ADAM23: variants seen among roughly 807,000 people sequenced by gnomAD.
The protein encoded by ADAM23 is disintegrin and metalloproteinase domain-containing protein 23.
ADAM23 carries 33 observed loss-of-function variants against 120.1 expected under a neutral mutation model. The ratio of observed to expected loss-of-function variants is 0.27; its 90% CI spans 0.21 to 0.37. The LOEUF (loss-of-function observed/expected upper bound fraction) is 0.37, where lower values mean the gene tolerates loss of function less well. ADAM23 is among the 10% of genes least tolerant of loss of function. ADAM23 has a pLI of 1.00. For synonymous variants in ADAM23, 367 were observed against 375.2 expected, an observed-to-expected ratio of 0.98 and a Z score of 0.25; for missense variants, 862 against 1,058.2, an observed-to-expected ratio of 0.81 and a Z score of 2.57.
In ADAM23 at chr2:206,567,243, T is replaced by G; in HGVS notation, c.1415T>G (p.Phe472Cys). 6.2e-7 allele frequency: 1 copy of G among 1,613,610 alleles called. No individual in the cohort carries two copies. The highest frequency in any genetic ancestry group is 8.5e-7 in the Non-Finnish European group (1 of 1,179,706). The change falls in exon 15 of 26, where the codon TTT becomes TGT. Residue 472 changes from phenylalanine to cysteine, a missense_variant. Around this residue, in one of 4 missense-constraint regions of ADAM23, gnomAD observed 617 missense variants for 813.5 expected, o/e 0.76. Coordinates refer to ENST00000264377, the MANE Select transcript of ADAM23 (RefSeq NM_003812.4). ...EETGVSHSRKFSKCSILEYRD... is the reference protein window; with the variant it reads ...EETGVSHSRKCSKCSILEYRD... ...CTCAGGGTGTCCCATTCTCGAAAAT[T>G]TTCAAAGTGCAGCATTTTGGAGTAT... is the stretch of plus-strand genomic sequence containing the variant.
rs1023195469 is a variant in ADAM23, at chr2:206,562,151, C to T, written c.1255-52C>T. On this transcript the variant is annotated intron_variant, in intron 12 of 25. Transcript: ENST00000264377. ...GTAACAATTAAGAAATAATAACTAG[C>T]TTTGTGCACTCTCTCAAATGTCTCC... The T allele has an allele frequency of 1.1e-4, 154 of 1,453,484 alleles. 1 individual carries two copies. Among genetic ancestry groups the T allele is most frequent in the Non-Finnish European group, 1.4e-4 (147 of 1,037,398 alleles). 90.0% of individuals were successfully genotyped at this position (1,453,484 alleles called of 1,614,324 possible).
chr2:206,482,874 G>A (rs1695926307), intron 3 of ADAM23, among the ~76,000 whole-genome samples: 1 of 152,176 alleles, frequency 6.6e-6, no homozygotes, highest in Non-Finnish European at 1.5e-5. Flanking sequence ...GTGTGTTCTA[G>A]GCATGTGAGA....
chr2:206,569,997 C>A lies in ADAM23; in HGVS notation c.1495-743C>A, dbSNP rs769439293. On this transcript the variant is annotated intron_variant, in intron 15 of 25. Transcript: ENST00000264377. The stretch of plus-strand genomic sequence containing the variant: ...ATTATGCCCAGAGAAATCCTGCCCC[C>A]CTCCCCACTGCCCCTGGAATGGGAA... Among the ~76,000 whole-genome samples, 8 of 152,280 alleles carry A rather than the reference C, an allele frequency of 5.3e-5. No homozygotes were observed. In the South Asian group the frequency reaches 1.7e-3, roughly 32 times the overall value.
intron 11 of ADAM23, among the ~76,000 whole-genome samples, chr2:206,560,681 T>G (rs550936906): frequency 6.6e-6 from 1 of 152,344 alleles, no homozygotes; most frequent in African/African-American, 2.4e-5. Flanking sequence ...AAAGCTATTT[T>G]CAGATAGTCC....
At chr2:206,563,238 G>A (rs1697805950) in intron 13 of ADAM23, among the ~76,000 whole-genome samples, 1 of 152,144 alleles carries the variant, frequency 6.6e-6, no homozygotes, top group African/African-American at 2.4e-5. Context: ...ATGAGACACT[G>A]GGAGTAAAGG....
chr2:206,589,159 A>G (rs956030731), intron 20 of ADAM23, among the ~76,000 whole-genome samples: 1 of 152,160 alleles, frequency 6.6e-6, no homozygotes, highest in Non-Finnish European at 1.5e-5. Flanking sequence ...GTTGTTTTGG[A>G]GCTTTTTTGT....
At chr2:206,589,029 A>G (rs1003890639) in intron 20 of ADAM23, among the ~76,000 whole-genome samples, 3 of 152,238 alleles carry the variant, frequency 2.0e-5, no homozygotes, top group Non-Finnish European at 4.4e-5. Context: ...AAGATTAAGA[A>G]TGTTAGTTTC....
intron 3 of ADAM23, among the ~76,000 whole-genome samples, chr2:206,501,636 A>T (rs1472888484): frequency 1.3e-5 from 2 of 150,288 alleles, no homozygotes; most frequent in Non-Finnish European, 2.9e-5. Context: ...GAAGCTATTT[A>T]TAGTTTCTTC....
chr2:206,493,953 G>A (rs10194632), intron 3 of ADAM23, among the ~76,000 whole-genome samples: 22,203 of 152,066 alleles, frequency 0.15, 2,336 homozygotes, highest in African/African-American at 0.28. Flanking sequence ...TGTTTTTCTT[G>A]AATGTCCCCC....
At position 206,443,690 on chromosome 2, in the gene ADAM23, G is replaced by C. The variant is rs1470996745; in HGVS notation, c.-177G>C. The C allele has an allele frequency of 5.8e-6, 1 of 171,382 alleles. No homozygotes were observed. The highest frequency in any genetic ancestry group is 1.1e-5 in the Non-Finnish European group (1 of 87,822). The allele number at this position is 171,382 out of a possible 1,614,324, so 10.6% of individuals were successfully genotyped here. On this transcript the variant is annotated 5_prime_UTR_variant, in exon 1 of 26. Transcript: ENST00000264377. ...AGTGGCTGCGAGGCTAGGCGAGCCG[G>C]GAAAGGGGGCGCCGCCCAGCCCCGA...
intron 10 of ADAM23, among the ~76,000 whole-genome samples, chr2:206,558,552 A>G (rs751875807): frequency 1.5e-4 from 23 of 152,202 alleles, no homozygotes; most frequent in African/African-American, 5.5e-4. Context: ...GAGTTAGGAT[A>G]GCATCTCAGT....
chr2:206,451,997 A>G (rs1169938561), intron 2 of ADAM23, among the ~76,000 whole-genome samples: 3 of 152,210 alleles, frequency 2.0e-5, no homozygotes, highest in Non-Finnish European at 4.4e-5. Context: ...GTGCTTGCAG[A>G]AGATAAAAAG....
At chr2:206,500,233 C>T (rs1696359504) in intron 3 of ADAM23, among the ~76,000 whole-genome samples, 1 of 151,996 alleles carries the variant, frequency 6.6e-6, no homozygotes, top group South Asian at 2.1e-4. Flanking sequence ...GTCATGGTAG[C>T]CACACCATAT....
chr2:206,470,897 G>T (rs1450578808), intron 2 of ADAM23, among the ~76,000 whole-genome samples: 1 of 152,158 alleles, frequency 6.6e-6, no homozygotes, highest in African/African-American at 2.4e-5. Flanking sequence ...AACTTGCTGA[G>T]GGTAGTCAAG....
At chr2:206,526,153 C>T (rs1696941569) in intron 3 of ADAM23, among the ~76,000 whole-genome samples, 2 of 149,902 alleles carry the variant, frequency 1.3e-5, no homozygotes, top group South Asian at 4.3e-4. Context: ...CACACACACA[C>T]ACACACACAC....
intron 3 of ADAM23, among the ~76,000 whole-genome samples, chr2:206,518,199 A>G (rs1696772317): frequency 6.6e-6 from 1 of 152,206 alleles, no homozygotes. Context: ...ATTATATTTA[A>G]TTAGGATAGA....
rs1475190544 is a variant in ADAM23 at position 206,617,689 on chromosome 2, G to A, written c.*62G>A. ...GGATTCTGGGTATGACATACTCGCAGCAGTGTTACTGGAACTATTAAGTTT... is the reference window on the plus strand; with the variant it reads ...GGATTCTGGGTATGACATACTCGCAACAGTGTTACTGGAACTATTAAGTTT... On this transcript the variant is annotated 3_prime_UTR_variant, in exon 26 of 26. Coordinates refer to ENST00000264377, the MANE Select transcript of ADAM23 (RefSeq NM_003812.4). The A allele has an allele frequency of 6.2e-7, 1 of 1,603,340 alleles. No individual in the cohort carries two copies. Among genetic ancestry groups the A allele is most frequent in the Non-Finnish European group, 8.5e-7 (1 of 1,174,872 alleles).
chr2:206,572,074 C>T (rs2105831697), intron 17 of ADAM23, among the ~76,000 whole-genome samples: 1 of 152,238 alleles, frequency 6.6e-6, no homozygotes, highest in Middle Eastern at 3.4e-3. Context: ...AAAGAGTTGC[C>T]CTACTAACAT....
At chr2:206,528,125 A>C (rs1309459018) in intron 3 of ADAM23, among the ~76,000 whole-genome samples, 1 of 152,202 alleles carries the variant, frequency 6.6e-6, no homozygotes, top group Non-Finnish European at 1.5e-5. Context: ...TGTGTGGTTG[A>C]AAATGTTGAA....
Sources: gnomAD v4.1 joint callset for allele counts (sites outside exome capture counted in the v4.1 genomes callset) on GRCh38, gnomAD v4.1.1 for gene constraint, gnomAD v4.1.1 regional missense constraint, MANE v1.5 for transcripts, NCBI Gene and HGNC (gene_info 2026-07-23, HGNC 2026-07-21) for gene names.